Variants in PKD1L1 observed in about 807,000 individuals in gnomAD.
The protein encoded by PKD1L1 is polycystin-1-like protein 1.
PKD1L1 carries 236 observed loss-of-function variants against 323.4 expected under a neutral mutation model. The observed-to-expected ratio is 0.73, with a 90% CI of 0.66 to 0.81. The LOEUF (loss-of-function observed/expected upper bound fraction) is 0.81. PKD1L1 is among the 40% of genes least tolerant of loss of function. The probability of loss-of-function intolerance (pLI) is 0.00; values close to 1 mark genes in which losing one functional copy is unlikely to be tolerated. For missense variants in PKD1L1, 3,320 were observed against 3,508.0 expected (o/e 0.95, Z 1.35); for synonymous variants, 1,344 against 1,335.0 (o/e 1.01, Z -0.15).
Position 47,815,343 on chromosome 7 carries a change from C to T in PKD1L1, c.7080G>A (p.Pro2360=), listed in dbSNP as rs149120331. Reference sequence around the variant, plus strand: ...GAGACGGAAAGCTCACCTGAGCCCCCGGCACACGGGCTGACGGGGTGCCTC... The same window carrying T: ...GAGACGGAAAGCTCACCTGAGCCCCTGGCACACGGGCTGACGGGGTGCCTC... ...YPGGTPSARV[P]GAQPGALGGK... is the part of the protein sequence containing the mutation. The change falls in exon 47 of 57, where the codon CCG becomes CCA. Residue 2360 remains proline (P), a synonymous_variant. Transcript: ENST00000289672. The T allele has an allele frequency of 8.6e-4, 1,393 of 1,613,780 alleles. 14 individuals carry two copies. In the African/African-American group the frequency reaches 0.016, roughly 18 times the overall value.
At chr7:47,888,363 TC>T (rs1786730061) in intron 16 of PKD1L1, among the ~76,000 whole-genome samples, 2 of 152,322 alleles carry the variant, frequency 1.3e-5, no homozygotes, top group East Asian at 3.9e-4. Context: ...CACTGTGAGA[TC>T]CAGTGAGGCA....
intron 26 of PKD1L1, among the ~76,000 whole-genome samples, chr7:47,864,837 G>C (rs1786125272): frequency 6.6e-6 from 1 of 151,818 alleles, no homozygotes. Flanking sequence ...TCCTGTCTCA[G>C]TAGAGTACTC....
chr7:47,943,164 ATAT>A lies in PKD1L1; in HGVS notation c.160+229_160+231del, dbSNP rs1251227609. On this transcript the variant is annotated intron_variant, in intron 2 of 56. Transcript: ENST00000289672. ...CCGTCTCAAAAAAAAAAAAAAAAAA[ATAT>A]ATATATATATATATATATATATATA... Among the ~76,000 whole-genome samples the A allele has an allele frequency of 7.5e-3, 193 of 25,656 alleles. 2 individuals are homozygous for A. Among genetic ancestry groups the A allele is most frequent in the Admixed American group, 0.055 (98 of 1,794 alleles). The allele number at this position is 25,656 out of a possible 152,430, so 16.8% of individuals were successfully genotyped here.
chr7:47,894,990 G>A (rs1019939216), intron 14 of PKD1L1, among the ~76,000 whole-genome samples: 4 of 152,164 alleles, frequency 2.6e-5, no homozygotes, highest in Non-Finnish European at 4.4e-5. Flanking sequence ...CTCCTGAGTA[G>A]GACCAAAGAC....
Position 47,857,643 on chromosome 7 carries a change from T to C in PKD1L1, c.4552A>G (p.Lys1518Glu), listed in dbSNP as rs771816713. Residue 1518 changes from lysine (K) to glutamate (E), a missense_variant, in exon 28 of 57, where the codon AAG (lysine) becomes GAG (glutamate). Physicochemically the swap from Lys to Glu is moderately conservative, Grantham distance 56. Coordinates refer to ENST00000289672, the MANE Select transcript of PKD1L1 (RefSeq NM_138295.5). ...PCYISQLILF[K>E]KNPYPGSQAP... is the part of the protein sequence containing the mutation. ...TGGCTCCCTGGATATGGGTTCTTCT[T>C]GAAGAGTATGAGCTGGCTAATGTAG... 3.7e-6 allele frequency: 6 copies of C among 1,614,078 alleles called. No individual in the cohort carries two copies. The African/African-American group carries it at 6.7e-5, about 18-fold the overall frequency.
At chr7:47,919,154 A>C (rs765621533) in intron 7 of PKD1L1, among the ~76,000 whole-genome samples, 3 of 152,136 alleles carry the variant, frequency 2.0e-5, no homozygotes, top group Non-Finnish European at 4.4e-5. Context: ...GAAGACAGAA[A>C]ATCCAAATAA....
At chr7:47,851,655 GAA>G (rs1042426624) in intron 31 of PKD1L1, among the ~76,000 whole-genome samples, 1 of 152,132 alleles carries the variant, frequency 6.6e-6, no homozygotes, top group African/African-American at 2.4e-5. Context: ...TCACAAAGGG[GAA>G]AATGGAGAGA....
At chr7:47,846,283 G>T (rs1785663338) in intron 32 of PKD1L1, among the ~76,000 whole-genome samples, 1 of 152,222 alleles carries the variant, frequency 6.6e-6, no homozygotes, top group Admixed American at 6.5e-5. Context: ...TTATAGAATT[G>T]TTAGTCTGTC....
chr7:47,781,740 A>G (rs1178395460), intron 56 of PKD1L1, among the ~76,000 whole-genome samples: 1 of 152,010 alleles, frequency 6.6e-6, no homozygotes, highest in African/African-American at 2.4e-5. Flanking sequence ...TAAAGTTCCA[A>G]TTTCTGATTT....
intron 1 of PKD1L1, among the ~76,000 whole-genome samples, 155 bp from the exon 2 acceptor site, chr7:47,943,666 ATGGTTCT>A (rs1296530297): frequency 3.3e-5 from 5 of 152,226 alleles, no homozygotes; most frequent in Non-Finnish European, 7.3e-5. Context: ...ACTCGCATCT[ATGGTTCT>A]TTTCACTTCA....
rs370214565 is a variant in PKD1L1 at position 47,813,964 on chromosome 7, C to A, written c.7140G>T (p.Arg2380Ser). Residue 2380 changes from arginine (R) to serine (S), a missense_variant, in exon 48 of 57, where the codon AGG becomes AGT. By Grantham distance (110) the Arg-to-Ser change is moderately radical. Coordinates refer to ENST00000289672, the MANE Select transcript of PKD1L1 (RefSeq NM_138295.5). ...KCYLIGSSVI[R>S]QLKVFPRHLC... ...AATGCCTAGGAAAAACTTTTAGCTG[C>A]CTAATTACGGAACTGCCTATTAGGT... is the stretch of plus-strand genomic sequence containing the variant. 1.9e-4 allele frequency: 300 copies of A among 1,614,088 alleles called. 6 individuals are homozygous for A. The South Asian group carries it at 3.1e-3, about 17-fold the overall frequency.
At chr7:47,950,214 C>T (rs1370692011), upstream of PKD1L1, among the ~76,000 whole-genome samples, 1 of 152,166 alleles carries the variant, frequency 6.6e-6, no homozygotes, top group African/African-American at 2.4e-5. Flanking sequence ...CCTGTGCAAC[C>T]CTGCCTGCTG....
intron 45 of PKD1L1, among the ~76,000 whole-genome samples, chr7:47,823,649 C>G (rs1423306408): frequency 6.6e-6 from 1 of 152,210 alleles, no homozygotes; most frequent in Admixed American, 6.5e-5. Context: ...TTCTCTCTCT[C>G]TCCTTCTCTC....
Position 47,893,910 on chromosome 7 carries a change from G to A in PKD1L1, c.2421C>T (p.Ser807=), listed in dbSNP as rs753912551. The stretch of plus-strand genomic sequence containing the variant: ...TCGCCCCAGGGTCGTCAGGGTCGAA[G>A]GACTGGGTCCCTCTGAGGACAATGG... ...SSPIVLRGTQ[S]FDPDDPGATL... is the part of the protein sequence containing the mutation. The change falls in exon 15 of 57, where the codon TCC becomes TCT. Residue 807 remains serine, a synonymous_variant. Transcript: ENST00000289672. 7 of 1,613,872 alleles carry A rather than the reference G, an allele frequency of 4.3e-6. No individual in the cohort carries two copies. The East Asian group carries it at 1.1e-4, about 26-fold the overall frequency.
chr7:47,901,647 A>G (rs951361404), intron 13 of PKD1L1, among the ~76,000 whole-genome samples: 1 of 152,182 alleles, frequency 6.6e-6, no homozygotes, highest in African/African-American at 2.4e-5. Context: ...GGGCAGGGGT[A>G]TTGCCTGTGT....
intron 39 of PKD1L1, among the ~76,000 whole-genome samples, chr7:47,834,758 G>A (rs1785421075): frequency 1.3e-5 from 2 of 152,140 alleles, no homozygotes; most frequent in Non-Finnish European, 2.9e-5. Flanking sequence ...AGAAAAAAAA[G>A]GATTTTATAA....
intron 37 of PKD1L1, among the ~76,000 whole-genome samples, chr7:47,835,479 C>T (rs1012489443): frequency 5.3e-5 from 8 of 152,208 alleles, no homozygotes; most frequent in South Asian, 2.1e-4. Context: ...TGGCTCACTG[C>T]GACCTCCGCC....
the PKD1L1 span, among the ~76,000 whole-genome samples, chr7:47,957,567 G>A: frequency 6.6e-6 from 1 of 152,064 alleles, no homozygotes; most frequent in Admixed American, 6.5e-5. Context: ...GAAGTGCAGT[G>A]TTGCAATCAC....
At position 47,891,564 on chromosome 7, in the gene PKD1L1, T is replaced by C. The variant is rs578078906; in HGVS notation, c.2454-801A>G. On this transcript the variant is annotated intron_variant, in intron 15 of 56. Transcript: ENST00000289672. ...TTTTAAAGAGCATTTCTCTGTCTGG[T>C]GTGCAGGCACCTCATTCTAGACCTT... Among the ~76,000 whole-genome samples, 2 of 152,362 alleles carry C rather than the reference T, an allele frequency of 1.3e-5. 1 individual carries two copies. The highest frequency in any genetic ancestry group is 4.1e-4 in the South Asian group (2 of 4,828).
Sources: allele counts gnomAD v4.1 joint callset (sites outside exome capture counted in the v4.1 genomes callset), GRCh38; gene constraint gnomAD v4.1.1; transcripts MANE v1.5; gene names NCBI Gene and HGNC (gene_info 2026-07-23, HGNC 2026-07-21).